Variants in NUGGC observed in about 807,000 individuals in gnomAD.
NUGGC encodes nuclear GTPase, germinal center associated.
NUGGC carries 58 observed loss-of-function variants against 92.6 expected under a neutral mutation model. That is an observed-to-expected ratio of 0.63 (90% CI 0.51 to 0.78). The LOEUF (loss-of-function observed/expected upper bound fraction) is 0.78, where lower values mean the gene tolerates loss of function less well. Ranked by LOEUF, NUGGC falls within the 30% of genes least tolerant of loss-of-function variation. NUGGC has a pLI of 0.00. For synonymous variants in NUGGC, 376 were observed against 366.4 expected, an observed-to-expected ratio of 1.03 and a Z score of -0.30; for missense variants, 925 against 964.6, an observed-to-expected ratio of 0.96 and a Z score of 0.54.
chr8:28,063,848 C>T (rs1364636973), intron 7 of NUGGC, among the ~76,000 whole-genome samples: 1 of 152,200 alleles, frequency 6.6e-6, no homozygotes. Context: ...CCCCCTCTCC[C>T]AGTCCCCTTC....
At chr8:28,053,425 G>T (rs1373028095) in intron 10 of NUGGC, among the ~76,000 whole-genome samples, 1 of 152,116 alleles carries the variant, frequency 6.6e-6, no homozygotes, top group Middle Eastern at 3.2e-3. Flanking sequence ...ATTCAACGTT[G>T]CAGTGAGTTA....
intron 14 of NUGGC, among the ~76,000 whole-genome samples, chr8:28,032,152 G>T (rs1809432001): frequency 6.6e-6 from 1 of 152,176 alleles, no homozygotes; most frequent in Admixed American, 6.5e-5. Context: ...GGAGGCAGGT[G>T]GAATGTCTTG....
chr8:28,023,599 A>C, intron 18 of NUGGC, 137 bp from the exon 19 acceptor site: 1 of 856,310 alleles, frequency 1.2e-6, no homozygotes, highest in Non-Finnish European at 1.8e-6. Context: ...CAGACATCAA[A>C]GCAGGTGTTC....
chr8:28,030,686 G>A (rs149117776), intron 15 of NUGGC, among the ~76,000 whole-genome samples: 8 of 152,166 alleles, frequency 5.3e-5, no homozygotes, highest in East Asian at 1.9e-4. Flanking sequence ...CACAGGCAAC[G>A]TCCTGGAATG....
At chr8:28,077,615 A>C (rs1345703068) in intron 1 of NUGGC, among the ~76,000 whole-genome samples, 1 of 152,114 alleles carries the variant, frequency 6.6e-6, no homozygotes, top group African/African-American at 2.4e-5. Context: ...TAGGAAAAAG[A>C]TCTGTTGTTT....
intron 9 of NUGGC, among the ~76,000 whole-genome samples, chr8:28,058,036 AC>A (rs1415515294): frequency 1.3e-5 from 2 of 152,174 alleles, no homozygotes; most frequent in South Asian, 4.2e-4. Context: ...TACTAAAAAT[AC>A]AAAAATTAGC....
At chr8:28,065,990 G>A (rs144051634) in intron 6 of NUGGC, among the ~76,000 whole-genome samples, 1,494 of 74,670 alleles carry the variant, frequency 0.02, 11 homozygotes, top group Middle Eastern at 0.065. Flanking sequence ...GGCAAACATC[G>A]TTGTAGAAGG....
intron 6 of NUGGC, among the ~76,000 whole-genome samples, chr8:28,065,892 C>G (rs903529812): frequency 1.2e-4 from 18 of 152,250 alleles, no homozygotes; most frequent in Admixed American, 3.3e-4. Context: ...TAAAATAGAG[C>G]AGATACCGTA....
intron 10 of NUGGC, among the ~76,000 whole-genome samples, chr8:28,049,112 T>A (rs969067725): frequency 3.3e-5 from 5 of 152,038 alleles, no homozygotes; most frequent in African/African-American, 1.2e-4. Context: ...TGCAAAGATA[T>A]AAAGAGCTGA....
chr8:28,074,993 G>A (rs990050500), intron 1 of NUGGC, among the ~76,000 whole-genome samples: 11 of 152,142 alleles, frequency 7.2e-5, no homozygotes, highest in Admixed American at 2.6e-4. Context: ...GGTAACTCAC[G>A]CTGAAATGAG....
chr8:28,074,294 A>T (rs1480755880), intron 2 of NUGGC, 74 bp downstream of exon 2: 1 of 1,026,384 alleles, frequency 9.7e-7, no homozygotes, highest in Non-Finnish European at 1.5e-6. Context: ...TATAGTCCCA[A>T]CCTATTTGCC....
chr8:28,029,060 T>C (rs1809343627), intron 17 of NUGGC, among the ~76,000 whole-genome samples: 1 of 152,122 alleles, frequency 6.6e-6, no homozygotes, highest in South Asian at 2.1e-4. Flanking sequence ...TGTCTAGCTA[T>C]TACAGTCTCT....
chr8:28,025,378 T>C (rs531135576), intron 18 of NUGGC, among the ~76,000 whole-genome samples: 34 of 152,276 alleles, frequency 2.2e-4, no homozygotes, highest in African/African-American at 7.2e-4. Flanking sequence ...GCACTTGACA[T>C]CAAACTGAGG....
In NUGGC at chr8:28,073,346, C is replaced by A. The variant is rs371897529; in HGVS notation, c.43+1022G>T. On this transcript the variant is annotated intron_variant, in intron 2 of 18. Transcript: ENST00000413272. ...AGAAATCTTCCAAGCAAAACGATCC[C>A]ATTCCTCTAGGCTAAGCTCAACTGA... Among the ~76,000 whole-genome samples the A allele has an allele frequency of 2.1e-4, 32 of 151,960 alleles. 1 individual carries two copies. The highest frequency in any genetic ancestry group is 1.2e-3 in the East Asian group (6 of 5,152).
intron 2 of NUGGC, among the ~76,000 whole-genome samples, chr8:28,073,500 GA>G (rs1215035582): frequency 1.3e-5 from 2 of 152,098 alleles, no homozygotes; most frequent in Non-Finnish European, 2.9e-5. Context: ...TCGGAGTGAG[GA>G]AACATTCCCT....
At chr8:28,070,029 A>G in intron 3 of NUGGC, 4 of 861,358 alleles carry the variant, frequency 4.6e-6, no homozygotes, top group Non-Finnish European at 5.6e-6. Context: ...CTTTGTTCTA[A>G]TCTGGAAGAA....
At chr8:28,038,807 G>A (rs952078835) in intron 13 of NUGGC, among the ~76,000 whole-genome samples, 5 of 152,144 alleles carry the variant, frequency 3.3e-5, no homozygotes, top group African/African-American at 1.2e-4. Context: ...TATGAAGTTA[G>A]GCCGGCCTGG....
rs1194741218 is a variant in NUGGC at position 28,067,621 on chromosome 8, T to C, written c.604A>G (p.Met202Val). The change falls in exon 6 of 19, where the codon ATG becomes GTG. Residue 202 changes from methionine to valine, a missense_variant. Physicochemically the swap from Met to Val is conservative, Grantham distance 21. Coordinates refer to ENST00000413272, the MANE Select transcript of NUGGC (RefSeq NM_001010906.2). ...CTCTCTGCCCCATTTCCATAAATCA[T>C]TTGTAGCTTCCAGGTGGCTTCCTCC... Reference protein sequence around the residue: ...AVEEATWKLQMIYGNGAESKN... With the variant: ...AVEEATWKLQVIYGNGAESKN... The C allele has an allele frequency of 6.2e-7, 1 of 1,613,922 alleles. No individual in the cohort carries two copies. The highest frequency in any genetic ancestry group is 1.3e-5 in the African/African-American group (1 of 74,960).
intron 2 of NUGGC, among the ~76,000 whole-genome samples, chr8:28,073,497 G>A (rs796982918): frequency 4.6e-5 from 7 of 152,252 alleles, no homozygotes; most frequent in African/African-American, 1.7e-4. Context: ...CCCTCGGAGT[G>A]AGGAAACATT....
Sources: gnomAD v4.1 joint callset for allele counts (sites outside exome capture counted in the v4.1 genomes callset) on GRCh38, gnomAD v4.1.1 for gene constraint, MANE v1.5 for transcripts, NCBI Gene and HGNC (gene_info 2026-07-23, HGNC 2026-07-21) for gene names.